Variants in ADGRA1 observed in about 807,000 individuals in gnomAD.
ADGRA1 encodes adhesion G protein-coupled receptor A1.
In ADGRA1, 12 loss-of-function variants were observed where a neutral mutation model predicts 21.3. That is an observed-to-expected ratio of 0.56 (90% CI 0.36 to 0.91). The LOEUF (loss-of-function observed/expected upper bound fraction) is 0.91, where lower values mean the gene tolerates loss of function less well. Ranked by LOEUF, ADGRA1 falls within the 40% of genes least tolerant of loss-of-function variation. The probability of loss-of-function intolerance (pLI) is 0.01; values close to 1 mark genes in which losing one functional copy is unlikely to be tolerated. For missense variants in ADGRA1, 790 were observed against 805.6 expected (o/e 0.98, Z 0.23); for synonymous variants, 385 against 368.8 (o/e 1.04, Z -0.50).
chr10:133,114,421 C>T (rs530764092), intron 5 of ADGRA1, among the ~76,000 whole-genome samples: 3 of 152,192 alleles, frequency 2.0e-5, no homozygotes, highest in African/African-American at 7.2e-5. Flanking sequence ...AGTCACGAAG[C>T]GTCCTCAGCT....
Position 133,097,721 on chromosome 10 carries a change from G to A in ADGRA1, c.131+620G>A, listed in dbSNP as rs546919403. On this transcript the variant is annotated intron_variant, in intron 3 of 6. Coordinates refer to ENST00000392607, the MANE Select transcript of ADGRA1 (RefSeq NM_001083909.3). ...TGCTGCAGCAGAACACGGGGGCCTC[G>A]ATGGTTTATCGACAGGAGAAACTGA... Among the ~76,000 whole-genome samples, 70 of 152,304 alleles carry A rather than the reference G, an allele frequency of 4.6e-4. 2 individuals carry two copies. In the South Asian group the frequency reaches 0.014, roughly 30 times the overall value.
At chr10:133,094,205 C>T (rs1365591934) in intron 2 of ADGRA1, among the ~76,000 whole-genome samples, 1 of 152,252 alleles carries the variant, frequency 6.6e-6, no homozygotes, top group African/African-American at 2.4e-5. Flanking sequence ...TGGGCGGCCT[C>T]CTCCCAGCGC....
At chr10:133,111,171 C>T (rs1163232654) in intron 5 of ADGRA1, among the ~76,000 whole-genome samples, 2 of 137,576 alleles carry the variant, frequency 1.5e-5, no homozygotes, top group African/African-American at 3.3e-5. Context: ...ACCACCTGCC[C>T]GCCGTGAGCA....
intron 2 of ADGRA1, among the ~76,000 whole-genome samples, chr10:133,090,504 G>A (rs958922972): frequency 2.6e-5 from 4 of 152,214 alleles, no homozygotes; most frequent in African/African-American, 7.2e-5. Context: ...TTGCCCTCCC[G>A]TGCTGCATCA....
chr10:133,102,653 G>C, intron 4 of ADGRA1, 44 bp from the exon 5 acceptor site: 1 of 1,577,660 alleles, frequency 6.3e-7, no homozygotes, highest in Non-Finnish European at 8.6e-7. Flanking sequence ...GCTCTGGGGG[G>C]TGGGTGCCCG....
In ADGRA1 at chr10:133,129,779, G is replaced by A. The variant is rs1231804852; in HGVS notation, c.*268G>A. On this transcript the variant is annotated 3_prime_UTR_variant, in exon 7 of 7. Coordinates refer to ENST00000392607, the MANE Select transcript of ADGRA1 (RefSeq NM_001083909.3). ...CGCCCACTCCCCTTATCCCAATTCC[G>A]CGTGCTGGTCCCGCACACGGTCATC... is the stretch of plus-strand genomic sequence containing the variant. The A allele has an allele frequency of 6.7e-6, 3 of 450,738 alleles. No homozygotes were observed. The highest frequency in any genetic ancestry group is 6.1e-5 in the South Asian group (2 of 32,792). 27.9% of individuals were successfully genotyped at this position (450,738 alleles called of 1,614,324 possible). A position where few individuals can be genotyped will look rare whatever the true frequency, so the allele number is the denominator to read the frequency against.
At chr10:133,105,700 G>T (rs561103072) in intron 5 of ADGRA1, among the ~76,000 whole-genome samples, 2 of 152,234 alleles carry the variant, frequency 1.3e-5, no homozygotes, top group Non-Finnish European at 2.9e-5. Context: ...GGTCAGCAGA[G>T]GGGGCGGACA....
chr10:133,088,711 G>C lies in ADGRA1; in HGVS notation c.-199G>C. 1 of 1,228,546 alleles carries C rather than the reference G, an allele frequency of 8.1e-7. No individual in the cohort carries two copies. The highest frequency in any genetic ancestry group is 1.0e-6 in the Non-Finnish European group (1 of 986,316). 76.1% of individuals were successfully genotyped at this position (1,228,546 alleles called of 1,614,324 possible). A position where few individuals can be genotyped will look rare whatever the true frequency, so the allele number is the denominator to read the frequency against. On this transcript the variant is annotated 5_prime_UTR_variant, in exon 2 of 7. Transcript: ENST00000392607. The stretch of plus-strand genomic sequence containing the variant: ...CTGACCGCCGCTGTCTTCACAGATG[G>C]GAGCAGCTCCCGGACTGCGCCCGCC...
chr10:133,096,890 A>G (rs528674603), intron 2 of ADGRA1, 84 bp from the exon 3 acceptor site: 9 of 1,503,498 alleles, frequency 6.0e-6, no homozygotes, highest in South Asian at 3.8e-5. Flanking sequence ...GGGGAAGCCG[A>G]GCCCCAAGGG....
At chr10:133,089,200 A>G (rs1400843019) in intron 2 of ADGRA1, 1 of 490,946 alleles carries the variant, frequency 2.0e-6, no homozygotes, top group African/African-American at 2.0e-5. Flanking sequence ...CCCTCCCGCA[A>G]AGCTGGCATC....
intron 5 of ADGRA1, among the ~76,000 whole-genome samples, chr10:133,122,858 C>T (rs566422414): frequency 1.1e-4 from 17 of 149,184 alleles, no homozygotes; most frequent in Middle Eastern, 3.4e-3. Context: ...CCCAGGCACA[C>T]GCGTCCCCAG....
At chr10:133,127,706 G>C (rs1317606921) in intron 6 of ADGRA1, among the ~76,000 whole-genome samples, 2 of 152,000 alleles carry the variant, frequency 1.3e-5, no homozygotes, top group Non-Finnish European at 2.9e-5. Flanking sequence ...CTCTCATTCA[G>C]GGCCCTCAGT....
chr10:133,129,196 C>T lies in ADGRA1; in HGVS notation c.1368C>T (p.Pro456=). Residue 456 remains proline, a synonymous_variant, in exon 7 of 7, where the codon CCC becomes CCT. Transcript: ENST00000392607. Reference sequence around the variant, plus strand: ...CCCGCAGCTCGCGCACAGACAGCCCCCCCAGCTCTCTGGATGGCCCGGCGG... The same window carrying T: ...CCCGCAGCTCGCGCACAGACAGCCCTCCCAGCTCTCTGGATGGCCCGGCGG... ...GSPRSSRTDS[P]PSSLDGPAGT... is the part of the protein sequence containing the mutation. 1 of 1,550,412 alleles carries T rather than the reference C, an allele frequency of 6.4e-7. No homozygotes were observed. The highest frequency in any genetic ancestry group is 8.7e-7 in the Non-Finnish European group (1 of 1,147,024).
chr10:133,115,027 G>A (rs1294070858), intron 5 of ADGRA1, among the ~76,000 whole-genome samples: 1 of 152,196 alleles, frequency 6.6e-6, no homozygotes, highest in East Asian at 1.9e-4. Context: ...GCGACTGGTT[G>A]GTGGGGCAGC....
chr10:133,117,814 G>A (rs1852186591), intron 5 of ADGRA1, among the ~76,000 whole-genome samples: 1 of 152,226 alleles, frequency 6.6e-6, no homozygotes, highest in Non-Finnish European at 1.5e-5. Flanking sequence ...ACTTCATTCT[G>A]GGATCCTGGG....
intron 3 of ADGRA1, 133 bp from the exon 4 acceptor site, chr10:133,098,507 T>G (rs1273249512): frequency 1.8e-6 from 2 of 1,094,272 alleles, no homozygotes; most frequent in Non-Finnish European, 2.6e-6. Context: ...GACCGGGTCC[T>G]CGGACAGCTG....
chr10:133,126,678 C>G (rs139588208), intron 5 of ADGRA1, among the ~76,000 whole-genome samples: 1 of 152,190 alleles, frequency 6.6e-6, no homozygotes, highest in African/African-American at 2.4e-5. Flanking sequence ...GCCCTGGGCT[C>G]GGGCTGTGCC....
At chr10:133,127,507 C>G (rs1053878459) in intron 6 of ADGRA1, among the ~76,000 whole-genome samples, 176 bp downstream of exon 6, 2 of 152,038 alleles carry the variant, frequency 1.3e-5, no homozygotes. Context: ...GAGTGCGCAG[C>G]GCCCCCTCCT....
chr10:133,114,376 G>A lies in ADGRA1; in HGVS notation c.401+11534G>A, dbSNP rs558241658. ...TTGGGCACCCACTGCAAGCGGACCAGAGCGGCGGTGCTATGGCATTCAAAG... is the reference window on the plus strand; with the variant it reads ...TTGGGCACCCACTGCAAGCGGACCAAAGCGGCGGTGCTATGGCATTCAAAG... On this transcript the variant is annotated intron_variant, in intron 5 of 6. Transcript: ENST00000392607. 1.4e-4 allele frequency among the ~76,000 whole-genome samples: 22 copies of A among 152,332 alleles called. 1 individual carries two copies. Among genetic ancestry groups the A allele is most frequent in the African/African-American group, 5.3e-4 (22 of 41,572 alleles).
Sources: gnomAD v4.1 joint callset for allele counts (sites outside exome capture counted in the v4.1 genomes callset) on GRCh38, gnomAD v4.1.1 for gene constraint, MANE v1.5 for transcripts, NCBI Gene and HGNC (gene_info 2026-07-23, HGNC 2026-07-21) for gene names.